The following PRELID2 variants were observed in gnomAD, a reference collection of about 807,000 sequenced individuals.
The protein encoded by PRELID2 is PRELI domain containing 2.
A neutral mutation model predicts 28.4 loss-of-function variants in PRELID2; 25 were observed. That is an observed-to-expected ratio of 0.88 (90% CI 0.64 to 1.23). PRELID2 has a LOEUF of 1.23. Ranked by LOEUF, PRELID2 falls within the 50% of genes most tolerant of loss-of-function variation. The probability of loss-of-function intolerance (pLI) is 0.00; values close to 1 mark genes in which losing one functional copy is unlikely to be tolerated. For synonymous variants in PRELID2, 76 were observed against 71.6 expected, an observed-to-expected ratio of 1.06 and a Z score of -0.31; for missense variants, 201 against 214.4, an observed-to-expected ratio of 0.94 and a Z score of 0.39.
intron 1 of PRELID2, among the ~76,000 whole-genome samples, chr5:145,654,326 G>A (rs757590437): frequency 9.2e-4 from 140 of 152,292 alleles, no homozygotes; most frequent in Non-Finnish European, 1.6e-3. Context: ...TGTACAAGGA[G>A]TAGCTGGTAC....
chr5:145,685,334 C>T (rs560705147), intron 1 of PRELID2, among the ~76,000 whole-genome samples: 4 of 152,294 alleles, frequency 2.6e-5, no homozygotes, highest in East Asian at 1.9e-4. Context: ...GAACAACTTT[C>T]GGTTTCTCTG....
At chr5:145,393,264 A>T in the PRELID2 span, among the ~76,000 whole-genome samples, 1 of 136,412 alleles carries the variant, frequency 7.3e-6, no homozygotes, top group African/African-American at 2.7e-5. Context: ...AGATCCTTTG[A>T]TTTCAGAACT....
chr5:145,629,136 G>T (rs1865008), intron 1 of PRELID2, among the ~76,000 whole-genome samples: 26,522 of 152,182 alleles, frequency 0.17, 3,825 homozygotes, highest in African/African-American at 0.38. Flanking sequence ...AATAGACAAG[G>T]GGAGCTTAGG....
downstream of PRELID2, among the ~76,000 whole-genome samples, chr5:145,751,431 T>C (rs536116238): frequency 6.6e-6 from 1 of 152,218 alleles, no homozygotes; most frequent in Non-Finnish European, 1.5e-5. Context: ...GGCAATGTAC[T>C]GATCACAAGT....
intron 1 of PRELID2, among the ~76,000 whole-genome samples, chr5:145,619,806 G>C (rs1561522047): frequency 1.3e-5 from 2 of 152,084 alleles, no homozygotes; most frequent in Non-Finnish European, 2.9e-5. Context: ...AAATGGGATA[G>C]GAAAATGGTC....
At chr5:145,664,771 C>T (rs1394752168) in intron 1 of PRELID2, among the ~76,000 whole-genome samples, 2 of 152,080 alleles carry the variant, frequency 1.3e-5, no homozygotes, top group Non-Finnish European at 2.9e-5. Flanking sequence ...CTTTTCCTTT[C>T]AGTGTAGCAC....
intron 1 of PRELID2, among the ~76,000 whole-genome samples, chr5:145,612,839 T>G (rs901945308): frequency 6.6e-6 from 1 of 152,182 alleles, no homozygotes; most frequent in Non-Finnish European, 1.5e-5. Flanking sequence ...CATACCACAG[T>G]TTCTTTATCC....
chr5:145,410,667 C>T, the PRELID2 span, among the ~76,000 whole-genome samples: 1 of 152,046 alleles, frequency 6.6e-6, no homozygotes, highest in Non-Finnish European at 1.5e-5. Flanking sequence ...GGGAAACTGC[C>T]CCCATGATTC....
chr5:145,523,412 A>T (rs550218871), intron 1 of PRELID2, among the ~76,000 whole-genome samples: 1 of 152,318 alleles, frequency 6.6e-6, no homozygotes, highest in South Asian at 2.1e-4. Context: ...TTCTCATTTT[A>T]AAAAGGAAGG....
intron 1 of PRELID2, among the ~76,000 whole-genome samples, chr5:145,493,867 T>C (rs1372923735): frequency 1.3e-5 from 2 of 152,198 alleles, no homozygotes; most frequent in African/African-American, 4.8e-5. Context: ...TTCTTAGCTT[T>C]TATATTTTTA....
intron 1 of PRELID2, among the ~76,000 whole-genome samples, chr5:145,548,759 C>T (rs1043250153): frequency 2.6e-5 from 4 of 152,172 alleles, no homozygotes; most frequent in African/African-American, 9.7e-5. Context: ...CTAATCCATA[C>T]TCTCTCCTCA....
chr5:145,411,165 G>A, the PRELID2 span, among the ~76,000 whole-genome samples: 1 of 152,158 alleles, frequency 6.6e-6, no homozygotes, highest in African/African-American at 2.4e-5. Context: ...ACAGTTCCAC[G>A]TGGCTGGGGA....
the PRELID2 span, among the ~76,000 whole-genome samples, chr5:145,455,834 C>G: frequency 6.6e-6 from 1 of 152,180 alleles, no homozygotes; most frequent in Non-Finnish European, 1.5e-5. Flanking sequence ...AGGCGACACC[C>G]CTCCCTGTTT....
At chr5:145,729,776 G>T (rs181864134) in intron 1 of PRELID2, among the ~76,000 whole-genome samples, 1 of 152,152 alleles carries the variant, frequency 6.6e-6, no homozygotes, top group African/African-American at 2.4e-5. Flanking sequence ...ACACCAGGTC[G>T]TGGGGGCAAT....
At chr5:145,634,851 T>A (rs954102946) in intron 1 of PRELID2, among the ~76,000 whole-genome samples, 1 of 152,186 alleles carries the variant, frequency 6.6e-6, no homozygotes, top group African/African-American at 2.4e-5. Context: ...TAAAATATAT[T>A]TTTGCTAAAA....
chr5:145,776,565 A>G (rs1487771123), intron 5 of PRELID2, among the ~76,000 whole-genome samples: 3 of 152,258 alleles, frequency 2.0e-5, no homozygotes, highest in African/African-American at 7.2e-5. Flanking sequence ...AAATTTGTAC[A>G]TAGTGTATGT....
chr5:145,545,063 G>T (rs1752774578), intron 1 of PRELID2, among the ~76,000 whole-genome samples: 1 of 152,098 alleles, frequency 6.6e-6, no homozygotes, highest in African/African-American at 2.4e-5. Flanking sequence ...AGAGAGTTTA[G>T]AGAATCACAA....
At chr5:145,742,326 A>ATTTTTTTT (rs201505408) in intron 1 of PRELID2, among the ~76,000 whole-genome samples, 1 of 136,628 alleles carries the variant, frequency 7.3e-6, no homozygotes, top group African/African-American at 2.7e-5. Flanking sequence ...AAAAATAGAT[A>ATTTTTTTT]TATTTTTTTT....
At chr5:145,616,851 C>T (rs898926433) in intron 1 of PRELID2, among the ~76,000 whole-genome samples, 5 of 152,132 alleles carry the variant, frequency 3.3e-5, no homozygotes, top group Non-Finnish European at 7.3e-5. Context: ...GGAATTTCCT[C>T]ATCCTAGTAA....
Sources: gnomAD v4.1 joint callset for allele counts (sites outside exome capture counted in the v4.1 genomes callset) on GRCh38, gnomAD v4.1.1 for gene constraint, MANE v1.5 for transcripts, NCBI Gene and HGNC (gene_info 2026-07-23, HGNC 2026-07-21) for gene names.